Variants in TIAM1 observed in about 807,000 individuals in gnomAD.
TIAM1 encodes rho guanine nucleotide exchange factor TIAM1.
Under a neutral mutation model 163.5 loss-of-function variants are expected in TIAM1, and 65 were observed. The observed-to-expected ratio is 0.40, with a 90% CI of 0.33 to 0.49. The LOEUF (loss-of-function observed/expected upper bound fraction) is 0.49. Among genes scored for constraint, TIAM1 ranks in the 20% least tolerant of loss-of-function variants. TIAM1 has a pLI of 0.77. For missense variants in TIAM1, 1,789 were observed against 2,044.7 expected (o/e 0.87, Z 2.41); for synonymous variants, 833 against 810.1 (o/e 1.03, Z -0.48).
At chr21:31,438,648 C>T (rs781656930) in intron 2 of TIAM1, among the ~76,000 whole-genome samples, 3 of 152,272 alleles carry the variant, frequency 2.0e-5, no homozygotes, top group South Asian at 2.1e-4. Context: ...TGCTCTCTCC[C>T]CCAAGTCCTC....
chr21:31,441,155 T>G (rs1048034290), intron 2 of TIAM1, among the ~76,000 whole-genome samples: 2 of 152,204 alleles, frequency 1.3e-5, no homozygotes, highest in Non-Finnish European at 2.9e-5. Context: ...CTGGTTCAAT[T>G]TCTCTCTTCA....
At chr21:31,415,236 C>T (rs1482206683) in intron 2 of TIAM1, among the ~76,000 whole-genome samples, 2 of 152,156 alleles carry the variant, frequency 1.3e-5, no homozygotes, top group African/African-American at 4.8e-5. Context: ...GTCAGGAATC[C>T]TCAGTAAATT....
chr21:31,475,764 C>T (rs945465172), intron 1 of TIAM1, among the ~76,000 whole-genome samples: 25 of 152,232 alleles, frequency 1.6e-4, no homozygotes, highest in African/African-American at 5.5e-4. Flanking sequence ...AATCAGGAAA[C>T]GCAGAGAAAA....
chr21:31,464,845 GAAAAA>G (rs35141475), intron 1 of TIAM1, among the ~76,000 whole-genome samples: 1 of 100,378 alleles, frequency 1.0e-5, no homozygotes, highest in African/African-American at 3.7e-5. Context: ...TCCGTCTCGG[GAAAAA>G]AAAAAAAAAA....
chr21:31,279,126 T>TATAA (rs534750547), intron 2 of TIAM1, among the ~76,000 whole-genome samples: 5 of 151,816 alleles, frequency 3.3e-5, no homozygotes, highest in Admixed American at 3.3e-4. Flanking sequence ...CAAAAAAATA[T>TATAA]ATAAATAAAT....
intron 2 of TIAM1, among the ~76,000 whole-genome samples, chr21:31,376,204 G>A (rs1476757123): frequency 6.6e-6 from 1 of 152,086 alleles, no homozygotes; most frequent in Non-Finnish European, 1.5e-5. Flanking sequence ...GCTAAAATGA[G>A]TAGCATGAAC....
At chr21:31,220,544 C>T (rs1377690744) in intron 8 of TIAM1, among the ~76,000 whole-genome samples, 1 of 152,118 alleles carries the variant, frequency 6.6e-6, no homozygotes, top group Non-Finnish European at 1.5e-5. Context: ...TTACAATTTC[C>T]AGACAAAGAC....
intron 2 of TIAM1, among the ~76,000 whole-genome samples, chr21:31,316,628 G>C (rs2075132452): frequency 6.6e-6 from 1 of 152,168 alleles, no homozygotes; most frequent in South Asian, 2.1e-4. Flanking sequence ...TGTGTGATGG[G>C]CATGCCTATG....
At position 31,414,077 on chromosome 21, in the gene TIAM1, C is replaced by T. The variant is rs141950592; in HGVS notation, c.-369+49906G>A. ...TTCAACTCTGTACTTCATTCCCTACCGCCTCAGGCTCTCAGGAGCCCATGG... is the reference window on the plus strand; with the variant it reads ...TTCAACTCTGTACTTCATTCCCTACTGCCTCAGGCTCTCAGGAGCCCATGG... On this transcript the variant is annotated intron_variant, in intron 2 of 28. Transcript: ENST00000286827. Among the ~76,000 whole-genome samples the T allele has an allele frequency of 9.4e-4, 143 of 152,296 alleles. 1 individual carries two copies. The highest frequency in any genetic ancestry group is 3.3e-3 in the African/African-American group (139 of 41,552).
At chr21:31,140,124 C>G (rs184375886) in intron 22 of TIAM1, among the ~76,000 whole-genome samples, 72 of 152,216 alleles carry the variant, frequency 4.7e-4, no homozygotes, top group Admixed American at 3.1e-3. Context: ...CCTTTAACAG[C>G]CTGAAAACTT....
intron 2 of TIAM1, among the ~76,000 whole-genome samples, chr21:31,328,168 C>T (rs1011490107): frequency 6.6e-6 from 1 of 152,094 alleles, no homozygotes; most frequent in Admixed American, 6.6e-5. Flanking sequence ...TGTTCAAAAG[C>T]TCAAACACCC....
intron 20 of TIAM1, among the ~76,000 whole-genome samples, chr21:31,145,518 T>TA: frequency 6.6e-6 from 1 of 152,320 alleles, no homozygotes; most frequent in Non-Finnish European, 1.5e-5. Flanking sequence ...TTAATCCTTT[T>TA]ACCATCAAAA....
chr21:31,171,070 C>T (rs534108153), intron 15 of TIAM1, among the ~76,000 whole-genome samples: 1 of 142,518 alleles, frequency 7.0e-6, no homozygotes, highest in African/African-American at 2.9e-5. Context: ...AAATTGGGGG[C>T]CATCTGTATA....
chr21:31,224,983 T>C (rs1207707037), intron 7 of TIAM1, among the ~76,000 whole-genome samples: 1 of 152,046 alleles, frequency 6.6e-6, no homozygotes, highest in Non-Finnish European at 1.5e-5. Context: ...CAATTATATA[T>C]CTAGATCTAG....
At chr21:31,545,772 A>G (rs921975783) in intron 1 of TIAM1, among the ~76,000 whole-genome samples, 13 of 152,068 alleles carry the variant, frequency 8.5e-5, no homozygotes, top group Admixed American at 6.6e-5. Context: ...ATCTTTGTTC[A>G]CTCTGACAGA....
chr21:31,198,393 T>G (rs2085997875), intron 12 of TIAM1, among the ~76,000 whole-genome samples: 1 of 152,180 alleles, frequency 6.6e-6, no homozygotes, highest in Admixed American at 6.5e-5. Context: ...TTTAATGCAA[T>G]TTCCACCAAA....
chr21:31,254,608 G>C (rs986665589), intron 4 of TIAM1, among the ~76,000 whole-genome samples: 1 of 152,150 alleles, frequency 6.6e-6, no homozygotes, highest in Non-Finnish European at 1.5e-5. Context: ...AGGCAGGTGG[G>C]AGGATCACTT....
chr21:31,243,481 T>TA (rs1346293343), intron 6 of TIAM1, among the ~76,000 whole-genome samples: 2 of 151,848 alleles, frequency 1.3e-5, no homozygotes, highest in African/African-American at 4.8e-5. Context: ...GCAGGAAGAC[T>TA]ATTTGAAGAA....
intron 15 of TIAM1, among the ~76,000 whole-genome samples, chr21:31,167,192 A>G (rs573815750): frequency 6.6e-6 from 1 of 150,832 alleles, no homozygotes; most frequent in East Asian, 2.0e-4. Context: ...CCTGGGTTCA[A>G]GTGATTCTCC....
Sources: allele counts gnomAD v4.1 joint callset (sites outside exome capture counted in the v4.1 genomes callset), GRCh38; gene constraint gnomAD v4.1.1; transcripts MANE v1.5; gene names NCBI Gene and HGNC (gene_info 2026-07-23, HGNC 2026-07-21).